Variants in SYCP2L observed in about 807,000 individuals in gnomAD.
The protein encoded by SYCP2L is synaptonemal complex protein 2 like.
Under a neutral mutation model 125.8 loss-of-function variants are expected in SYCP2L, and 98 were observed. The observed-to-expected ratio is 0.78, with a 90% CI of 0.66 to 0.92. The LOEUF (loss-of-function observed/expected upper bound fraction) is 0.92, where lower values mean the gene tolerates loss of function less well. Among genes scored for constraint, SYCP2L ranks in the 40% least tolerant of loss-of-function variants. SYCP2L has a pLI of 0.00. For missense variants in SYCP2L, 842 were observed against 936.4 expected (o/e 0.90, Z 1.32); for synonymous variants, 317 against 325.4 (o/e 0.97, Z 0.28).
chr6:10,952,722 C>G (rs761464521), intron 23 of SYCP2L, among the ~76,000 whole-genome samples: 6 of 152,086 alleles, frequency 3.9e-5, no homozygotes, highest in Non-Finnish European at 7.4e-5. Flanking sequence ...GGTATAGACA[C>G]CACAGAAGAT....
At position 10,974,132 on chromosome 6, in the gene SYCP2L, A is replaced by T. The variant is rs933081303; in HGVS notation, c.*218A>T. 2 of 152,240 alleles carry T rather than the reference A, an allele frequency of 1.3e-5. No homozygotes were observed. The highest frequency in any genetic ancestry group is 2.4e-5 in the African/African-American group (1 of 41,462). The allele number at this position is 152,240 out of a possible 1,614,324, so 9.4% of individuals were successfully genotyped here. A position where few individuals can be genotyped will look rare whatever the true frequency, so the allele number is the denominator to read the frequency against. On this transcript the variant is annotated 3_prime_UTR_variant, in exon 30 of 30. Transcript: ENST00000283141. ...CAGTTGGGTTATTATCCATTTGTTCATAAAAATTAACCTTTTGTATTAAAA... is the reference window on the plus strand; with the variant it reads ...CAGTTGGGTTATTATCCATTTGTTCTTAAAAATTAACCTTTTGTATTAAAA...
chr6:10,958,902 C>T (rs761919457), intron 26 of SYCP2L, 27 bp downstream of exon 26: 43 of 1,599,244 alleles, frequency 2.7e-5, no homozygotes, highest in East Asian at 4.5e-5. Context: ...AAAACAAGGT[C>T]GTGGAAGTGT....
At chr6:10,944,028 G>C (rs1392920096) in intron 23 of SYCP2L, among the ~76,000 whole-genome samples, 1 of 152,152 alleles carries the variant, frequency 6.6e-6, no homozygotes, top group Non-Finnish European at 1.5e-5. Flanking sequence ...ACTCTCTCCT[G>C]ATACACAGGT....
chr6:10,907,651 T>A lies in SYCP2L; in HGVS notation c.786T>A (p.Ala262=). 2.5e-6 allele frequency: 4 copies of A among 1,612,750 alleles called. No homozygotes were observed. The highest frequency in any genetic ancestry group is 3.4e-6 in the Non-Finnish European group (4 of 1,179,640). Residue 262 remains alanine (A), a synonymous_variant, in exon 10 of 30, where the codon GCT becomes GCA. Transcript: ENST00000283141. ...TTGATGATGAAGTCATTGCTGAAGC[T>A]TTCAAAGAAATTAAGGATCGAGAAT... ...KWFDDEVIAE[A]FKEIKDREFE...
Position 10,956,243 on chromosome 6 carries a change from G to A in SYCP2L, c.2163+1G>A. 1 of 1,606,672 alleles carries A rather than the reference G, an allele frequency of 6.2e-7. No homozygotes were observed. On this transcript the variant is annotated splice_donor_variant, in intron 25 of 29. Coordinates refer to ENST00000283141, the MANE Select transcript of SYCP2L (RefSeq NM_001040274.3). LOFTEE classifies it high-confidence loss of function. ...TAAAAAACGGAAAAGAAAATATGAGGTAGTAGTCCACAAAACTTAAAAAAC... is the reference window on the plus strand; with the variant it reads ...TAAAAAACGGAAAAGAAAATATGAGATAGTAGTCCACAAAACTTAAAAAAC...
intron 2 of SYCP2L, among the ~76,000 whole-genome samples, chr6:10,893,542 C>T (rs1780209205): frequency 6.6e-6 from 1 of 152,048 alleles, no homozygotes; most frequent in Admixed American, 6.6e-5. Context: ...GTGTTGTTTT[C>T]CTTGGGTCAG....
At chr6:10,900,306 T>C (rs1156352583) in intron 6 of SYCP2L, among the ~76,000 whole-genome samples, 1 of 145,006 alleles carries the variant, frequency 6.9e-6, no homozygotes, top group Admixed American at 6.8e-5. Context: ...GCTGTGTGGC[T>C]ACAAAGTGGA....
rs541791875 is a variant in SYCP2L at position 10,938,938 on chromosome 6, G to C, written c.1814-3521G>C. On this transcript the variant is annotated intron_variant, in intron 21 of 29. Transcript: ENST00000283141. ...GATCGAGACCATCCCAGCTAACACAGTGAAACCCCATCTCTACTAAAAATA... is the reference window on the plus strand; with the variant it reads ...GATCGAGACCATCCCAGCTAACACACTGAAACCCCATCTCTACTAAAAATA... 6.6e-5 allele frequency among the ~76,000 whole-genome samples: 10 copies of C among 152,212 alleles called. 1 individual carries two copies. The highest frequency in any genetic ancestry group is 2.6e-4 in the Admixed American group (4 of 15,280).
intron 18 of SYCP2L, among the ~76,000 whole-genome samples, chr6:10,929,594 T>G (rs1357657639): frequency 6.6e-6 from 1 of 152,180 alleles, no homozygotes; most frequent in East Asian, 1.9e-4. Context: ...TCTCTAATCT[T>G]TTATAATCCA....
At chr6:10,891,661 G>GTA in intron 2 of SYCP2L, 80 bp downstream of exon 2, 1 of 812,740 alleles carries the variant, frequency 1.2e-6, no homozygotes, top group Admixed American at 2.6e-5. Flanking sequence ...GTGTGTGTGT[G>GTA]TGTATGTGTA....
At chr6:10,937,582 T>A (rs954526562) in intron 21 of SYCP2L, among the ~76,000 whole-genome samples, 1 of 151,828 alleles carries the variant, frequency 6.6e-6, no homozygotes, top group African/African-American at 2.4e-5. Flanking sequence ...TATTAAGGCA[T>A]AAATAAATGA....
Position 10,926,219 on chromosome 6 carries a change from G to A in SYCP2L, c.1219-120G>A. The A allele has an allele frequency of 5.4e-6, 4 of 747,276 alleles. No individual in the cohort carries two copies. In the South Asian group the frequency reaches 6.8e-5, roughly 13 times the overall value. 46.3% of individuals were successfully genotyped at this position (747,276 alleles called of 1,614,324 possible). A position where few individuals can be genotyped will look rare whatever the true frequency, so the allele number is the denominator to read the frequency against. ...TGATCCTTCAGGAGAGGACAAACTG[G>A]TAAACTTGACTAACTTCTGATTTAT... On this transcript the variant is annotated intron_variant, in intron 15 of 29. Transcript: ENST00000283141.
chr6:10,943,344 T>C (rs1781255848), intron 23 of SYCP2L, among the ~76,000 whole-genome samples: 1 of 152,340 alleles, frequency 6.6e-6, no homozygotes, highest in South Asian at 2.1e-4. Flanking sequence ...TAAATATGTG[T>C]AGGATATTTA....
chr6:10,907,892 G>GTTTTTTTTATTTTTTTTTT (rs1780526844), intron 10 of SYCP2L, among the ~76,000 whole-genome samples: 1 of 91,922 alleles, frequency 1.1e-5, no homozygotes, highest in Non-Finnish European at 2.0e-5. Context: ...ATACAGATAG[G>GTTTTTTTTATTTTTTTTTT]TTTTTTTTTT....
At chr6:10,914,133 T>C (rs1197083577) in intron 14 of SYCP2L, among the ~76,000 whole-genome samples, 1 of 152,176 alleles carries the variant, frequency 6.6e-6, no homozygotes, top group African/African-American at 2.4e-5. Flanking sequence ...GTGCCCATTC[T>C]TCTAGAATTT....
At position 10,928,467 on chromosome 6, in the gene SYCP2L, G is replaced by T. The variant is rs765618067; in HGVS notation, c.1488+17G>T. ...CAACAACCTGTGAGTACAGGGAGTG[G>T]GGCTCAAGTTTCTTATCTGTCTCCA... On this transcript the variant is annotated intron_variant, in intron 18 of 29. Coordinates refer to ENST00000283141, the MANE Select transcript of SYCP2L (RefSeq NM_001040274.3). The T allele has an allele frequency of 1.0e-5, 16 of 1,572,424 alleles. No homozygotes were observed. Among genetic ancestry groups the T allele is most frequent in the Admixed American group, 7.4e-5 (4 of 53,940 alleles).
chr6:10,955,620 A>G (rs903451876), intron 24 of SYCP2L, among the ~76,000 whole-genome samples: 1 of 152,210 alleles, frequency 6.6e-6, no homozygotes, highest in African/African-American at 2.4e-5. Flanking sequence ...ATGCATTTTG[A>G]AACAAAGGGC....
chr6:10,954,307 C>T lies in SYCP2L; in HGVS notation c.1955-809C>T, dbSNP rs1225744. ...CAAATACTTGGAGACACAAGTTGGC[C>T]GCTTGAGAGAGCTCAGGCAAGAGAG... On this transcript the variant is annotated intron_variant, in intron 23 of 29. Coordinates refer to ENST00000283141, the MANE Select transcript of SYCP2L (RefSeq NM_001040274.3). The surrounding 1 kb of genome is among the most constrained non-coding windows in gnomAD (Gnocchi z 4.8). 0.35 allele frequency among the ~76,000 whole-genome samples: 53,211 copies of T among 151,834 alleles called. 10,368 individuals carry two copies. The highest frequency in any genetic ancestry group is 0.45 in the Non-Finnish European group (30,845 of 67,920).
Position 10,935,159 on chromosome 6 carries a change from G to A in SYCP2L, c.1785G>A (p.Leu595=). The change falls in exon 21 of 30, where the codon TTG becomes TTA. Residue 595 remains leucine, a synonymous_variant. Coordinates refer to ENST00000283141, the MANE Select transcript of SYCP2L (RefSeq NM_001040274.3). ...EQKFQDSFAF[L]TAEDSAQKTE... ...AATTCCAAGATAGTTTTGCTTTTTT[G>A]ACTGCTGAAGATTCTGCCCAGAAAA... is the stretch of plus-strand genomic sequence containing the variant. The A allele has an allele frequency of 1.9e-6, 3 of 1,612,850 alleles. No homozygotes were observed. The highest frequency in any genetic ancestry group is 2.5e-6 in the Non-Finnish European group (3 of 1,179,606).
Sources: allele counts gnomAD v4.1 joint callset (sites outside exome capture counted in the v4.1 genomes callset), GRCh38; gene constraint gnomAD v4.1.1; non-coding constraint Gnocchi (gnomAD v3.1); transcripts MANE v1.5; gene names NCBI Gene and HGNC (gene_info 2026-07-23, HGNC 2026-07-21).